Variants in CIITA observed in about 807,000 individuals in gnomAD.
The protein encoded by CIITA is MHC class II transactivator.
CIITA carries 72 observed loss-of-function variants against 115.1 expected under a neutral mutation model. The observed-to-expected ratio is 0.63, with a 90% confidence interval of 0.52 to 0.76. The LOEUF (loss-of-function observed/expected upper bound fraction) is 0.76, where lower values mean the gene tolerates loss of function less well. Among genes scored for constraint, CIITA ranks in the 30% least tolerant of loss-of-function variants. The probability of loss-of-function intolerance (pLI) is 0.00; values close to 1 mark genes in which losing one functional copy is unlikely to be tolerated. For synonymous variants in CIITA, 763 were observed against 635.6 expected (o/e 1.20, Z -3.02); for missense variants, 1,617 against 1,463.8 (o/e 1.10, Z -1.71).
chr16:10,900,595 C>A (rs1049460798), intron 5 of CIITA, among the ~76,000 whole-genome samples: 3 of 152,042 alleles, frequency 2.0e-5, no homozygotes, highest in Non-Finnish European at 4.4e-5. Flanking sequence ...CAAAAATTAG[C>A]CAGGCGTGGT....
chr16:10,941,487 G>A lies in CIITA; in HGVS notation n.613G>A. On this transcript the variant is annotated non_coding_transcript_exon_variant, in exon 2 of 2. Transcript: ENST00000573379. The surrounding 1 kb of genome is among the most constrained non-coding windows in gnomAD (Gnocchi z 6.4). ...AACGGAGGAGAAGCCTGAGGGAGGG[G>A]TGTGTATCCGGCCTGGGAATTCCTC... 1.5e-6 allele frequency: 2 copies of A among 1,305,518 alleles called. No individual in the cohort carries two copies. Among genetic ancestry groups the A allele is most frequent in the Non-Finnish European group, 2.0e-6 (2 of 1,006,636 alleles). 80.9% of individuals were successfully genotyped at this position (1,305,518 alleles called of 1,614,324 possible).
In CIITA at chr16:10,907,584, C is replaced by T. The variant is rs373488902; in HGVS notation, c.2092C>T (p.Pro698Ser). The change falls in exon 11 of 20, where the codon CCA becomes TCA. Residue 698 changes from proline (P) to serine (S), a missense_variant. Coordinates refer to ENST00000324288, the MANE Select transcript of CIITA (RefSeq NM_000246.4). The surrounding 1 kb of genome is among the most constrained non-coding windows in gnomAD (Gnocchi z 5.0). The stretch of plus-strand genomic sequence containing the variant: ...GATGGCCAAAGGCTTAGTCCAACAC[C>T]CACCGCGGGCCGCAGAGTCCGAGCT... Reference protein sequence around the residue: ...WAMAKGLVQHPPRAAESELAF... With the variant: ...WAMAKGLVQHSPRAAESELAF... 1.3e-5 allele frequency: 21 copies of T among 1,614,082 alleles called. No individual in the cohort carries two copies. Among genetic ancestry groups the T allele is most frequent in the Non-Finnish European group, 1.7e-5 (20 of 1,180,044 alleles).
At position 10,909,244 on chromosome 16, in the gene CIITA, G is replaced by A. The variant is rs7196089; in HGVS notation, c.2816+57G>A. 0.29 allele frequency: 457,935 copies of A among 1,580,364 alleles called. 68,289 individuals carry two copies. Among genetic ancestry groups the A allele is most frequent in the Admixed American group, 0.45 (26,712 of 59,642 alleles). ...CGCCATGCAGGTTGAGGACATGTAG[G>A]ACCCATTCTCAAGTTTGTCATGGGC... On this transcript the variant is annotated intron_variant, in intron 12 of 19. Transcript: ENST00000324288.
rs1192628454 is a variant in CIITA at position 10,922,291 on chromosome 16, G to T, written c.3233+41G>T. On this transcript the variant is annotated intron_variant, in intron 17 of 19. Coordinates refer to ENST00000324288, the MANE Select transcript of CIITA (RefSeq NM_000246.4). ...TGGGCGGTGGGTGGCTCAGCCCGGG[G>T]TGGGAGACACTGAAGTCTCTCCCTG... is the stretch of plus-strand genomic sequence containing the variant. 7 of 1,607,348 alleles carry T rather than the reference G, an allele frequency of 4.4e-6. No individual in the cohort carries two copies. In the East Asian group the frequency reaches 8.9e-5, roughly 20 times the overall value.
intron 14 of CIITA, 21 bp from the exon 15 acceptor site, chr16:10,916,346 C>T: frequency 6.2e-7 from 1 of 1,611,694 alleles, no homozygotes; most frequent in Non-Finnish European, 8.5e-7. Context: ...GCTGATGGCC[C>T]CCATCTGATT....
chr16:10,877,478 G>C lies in CIITA; in HGVS notation c.52+96G>C, dbSNP rs2035940010. 3.2e-5 allele frequency: 40 copies of C among 1,238,322 alleles called. No individual in the cohort carries two copies. The South Asian group carries it at 4.9e-4, about 15-fold the overall frequency. 76.7% of individuals were successfully genotyped at this position (1,238,322 alleles called of 1,614,324 possible). On this transcript the variant is annotated intron_variant, in intron 1 of 19. Coordinates refer to ENST00000324288, the MANE Select transcript of CIITA (RefSeq NM_000246.4). ...AGAAACCATTCTGAATTGGGGATGGGGGTGAGGATGGGAACAGGAGTCTGT... is the reference window on the plus strand; with the variant it reads ...AGAAACCATTCTGAATTGGGGATGGCGGTGAGGATGGGAACAGGAGTCTGT...
At chr16:10,874,915 G>A (rs993742340), upstream of CIITA, among the ~76,000 whole-genome samples, 12 of 152,150 alleles carry the variant, frequency 7.9e-5, no homozygotes, top group Non-Finnish European at 1.3e-4. Context: ...AGTCAGAGGC[G>A]CCTCTCCCGT....
At position 10,920,055 on chromosome 16, in the gene CIITA, G is replaced by A. The variant is rs1483701529; in HGVS notation, c.3149+1529G>A. 1.3e-5 allele frequency among the ~76,000 whole-genome samples: 2 copies of A among 152,114 alleles called. No homozygotes were observed. The highest frequency in any genetic ancestry group is 1.3e-4 in the Admixed American group (2 of 15,276). On this transcript the variant is annotated intron_variant, in intron 16 of 19. Transcript: ENST00000324288. The surrounding 1 kb of genome is among the most constrained non-coding windows in gnomAD (Gnocchi z 4.5). ...AGGGGCTGTGTTTTAAGGGTCAGAAGGGCCACTGTGGCTGTGTGTAGTGAA... is the reference window on the plus strand; with the variant it reads ...AGGGGCTGTGTTTTAAGGGTCAGAAAGGCCACTGTGGCTGTGTGTAGTGAA...
chr16:10,877,349 C>G lies in CIITA; in HGVS notation c.19C>G (p.Arg7Gly). The G allele has an allele frequency of 6.2e-7, 1 of 1,613,274 alleles. No homozygotes were observed. The highest frequency in any genetic ancestry group is 1.7e-4 in the Middle Eastern group (1 of 6,046). ...CTACACAATGCGTTGCCTGGCTCCA[C>G]GCCCTGCTGGGTCCTACCTGTCAGA... MRCLAP[R>G]PAGSYLSEPQ... Residue 7 changes from arginine (R) to glycine (G), a missense_variant, in exon 1 of 20, where the codon CGC becomes GGC. By Grantham distance (125) the Arg-to-Gly change is moderately radical. Coordinates refer to ENST00000324288, the MANE Select transcript of CIITA (RefSeq NM_000246.4).
chr16:10,901,425 T>C lies in CIITA; in HGVS notation c.437-89T>C. On this transcript the variant is annotated intron_variant, in intron 5 of 19. Coordinates refer to ENST00000324288, the MANE Select transcript of CIITA (RefSeq NM_000246.4). This position sits in a 1 kb window ranked among gnomAD's most constrained non-coding sequence, Gnocchi z 6.8. ...CAAGACCACTACCCAGCCTTGAAGT[T>C]AAGGCCGTATAGCCTGCTAGAGTCC... 7.1e-7 allele frequency: 1 copy of C among 1,417,124 alleles called. No individual in the cohort carries two copies. Among genetic ancestry groups the C allele is most frequent in the Admixed American group, 1.7e-5 (1 of 58,684 alleles). The allele number at this position is 1,417,124 out of a possible 1,614,324, so 87.8% of individuals were successfully genotyped here.
At chr16:10,914,808 G>A (rs1333743693) in intron 13 of CIITA, among the ~76,000 whole-genome samples, 1 of 152,106 alleles carries the variant, frequency 6.6e-6, no homozygotes, top group Admixed American at 6.5e-5. Flanking sequence ...GCATGCCCCT[G>A]GCTTATAATA....
At position 10,923,480 on chromosome 16, in the gene CIITA, C is replaced by A. The variant is rs1387707164; in HGVS notation, c.*22+155C>A. ...TCAGAGACATCCCCTCATCTCCACC[C>A]TGGGCTCGGTGGAGCTGTCCTCCAG... On this transcript the variant is annotated intron_variant, in intron 19 of 19. Transcript: ENST00000324288. The surrounding 1 kb of genome is among the most constrained non-coding windows in gnomAD (Gnocchi z 5.2). 6.6e-6 allele frequency among the ~76,000 whole-genome samples: 1 copy of A among 152,168 alleles called. No homozygotes were observed. The highest frequency in any genetic ancestry group is 1.9e-4 in the East Asian group (1 of 5,192).
intron 1 of CIITA, chr16:10,888,857 A>G (rs572490639): frequency 6.6e-6 from 1 of 152,366 alleles, no homozygotes; most frequent in African/African-American, 2.4e-5. Context: ...AAAAGGCTAT[A>G]GAGTGGGCTG....
Position 10,927,292 on chromosome 16 carries a change from C to G in CIITA, c.*3437C>G, listed in dbSNP as rs115821351. On this transcript the variant is annotated 3_prime_UTR_variant, in exon 20 of 20. Transcript: ENST00000324288. ...TCTCCAACCCCATCACTAGTTTTAT[C>G]TTTTTCACTTATTTATGCAGTCTGC... The G allele has an allele frequency of 1.3e-5, 2 of 152,196 alleles. No homozygotes were observed. Among genetic ancestry groups the G allele is most frequent in the African/African-American group, 2.4e-5 (1 of 41,434 alleles). The allele number at this position is 152,196 out of a possible 1,614,324, so 9.4% of individuals were successfully genotyped here. A position where few individuals can be genotyped will look rare whatever the true frequency, so the allele number is the denominator to read the frequency against.
At chr16:10,903,694 C>T in intron 8 of CIITA, 37 bp from the exon 9 acceptor site, 2 of 1,612,910 alleles carry the variant, frequency 1.2e-6, no homozygotes, top group Non-Finnish European at 1.7e-6. Context: ...GAATCAATAC[C>T]TGGTTATTCT....
chr16:10,902,568 G>C lies in CIITA; in HGVS notation c.629-90G>C, dbSNP rs897759203. On this transcript the variant is annotated intron_variant, in intron 7 of 19. Coordinates refer to ENST00000324288, the MANE Select transcript of CIITA (RefSeq NM_000246.4). ...TCTTAGGGAAATTAGGGCCCTTTAG[G>C]GGGGTCAGACATTAATCAAATAAGC... is the stretch of plus-strand genomic sequence containing the variant. 1.1e-4 allele frequency: 162 copies of C among 1,541,990 alleles called. 8 individuals carry two copies. In the South Asian group the frequency reaches 1.1e-3, roughly 11 times the overall value.
chr16:10,866,276 C>T (rs779389720), exon 1 of CIITA: 1 of 559,170 alleles, frequency 1.8e-6, no homozygotes, highest in Admixed American at 1.9e-5. Context: ...GCTGCCCTGA[C>T]TCCAAGGGCT....
chr16:10,872,114 C>CT (rs1486715462), intron 1 of CIITA, among the ~76,000 whole-genome samples: 43 of 152,026 alleles, frequency 2.8e-4, no homozygotes, highest in African/African-American at 9.6e-4. Context: ...CTCACCCTGT[C>CT]TTTTTTTTAA....
rs764634952 is a variant in CIITA at position 10,922,245 on chromosome 16, G to A, written c.3228G>A (p.Val1076=). Residue 1076 remains valine (V), a synonymous_variant, in exon 17 of 20, where the codon GTG becomes GTA. Transcript: ENST00000324288. ...RVLPDMVSLR[V]MDVQYNKFTA... is the part of the protein sequence containing the mutation. ...TTCCGGACATGGTGTCCCTCCGGGT[G>A]ATGGAGTGAGTGTGGGAGTCTGGGC... 1 of 1,614,220 alleles carries A rather than the reference G, an allele frequency of 6.2e-7. No individual in the cohort carries two copies. The highest frequency in any genetic ancestry group is 8.5e-7 in the Non-Finnish European group (1 of 1,180,014).
Sources: allele counts gnomAD v4.1 joint callset (sites outside exome capture counted in the v4.1 genomes callset), GRCh38; gene constraint gnomAD v4.1.1; non-coding constraint Gnocchi (gnomAD v3.1); transcripts MANE v1.5; gene names NCBI Gene and HGNC (gene_info 2026-07-23, HGNC 2026-07-21).